Variants in MCM5 observed in about 807,000 individuals in gnomAD.
The protein encoded by MCM5 is minichromosome maintenance complex component 5, also known as DNA replication licensing factor MCM5.
A neutral mutation model predicts 79.9 loss-of-function variants in MCM5; 46 were observed. The observed-to-expected ratio is 0.58, with a 90% CI of 0.45 to 0.74. The LOEUF (loss-of-function observed/expected upper bound fraction) is 0.74, where lower values mean the gene tolerates loss of function less well. Ranked by LOEUF, MCM5 falls within the 30% of genes least tolerant of loss-of-function variation. MCM5 has a pLI of 0.00. For synonymous variants in MCM5, 404 were observed against 390.5 expected (o/e 1.03, Z -0.41); for missense variants, 883 against 1,017.0 (o/e 0.87, Z 1.79).
chr22:35,400,206 G>C lies in MCM5; in HGVS notation c.-11G>C, dbSNP rs1007648951. 7.3e-6 allele frequency: 4 copies of C among 550,648 alleles called. No individual in the cohort carries two copies. Among genetic ancestry groups the C allele is most frequent in the Non-Finnish European group, 9.8e-6 (3 of 305,896 alleles). The allele number at this position is 550,648 out of a possible 1,614,324, so 34.1% of individuals were successfully genotyped here. ...CTGGTTTGTGAAGTGCGGAAAACCA[G>C]AGGTGAGGCTAGTGGGAGTGGGACT... On this transcript the variant is annotated splice_region_variant and 5_prime_UTR_variant, in exon 1 of 17. Coordinates refer to ENST00000216122, the MANE Select transcript of MCM5 (RefSeq NM_006739.4).
Position 35,412,647 on chromosome 22 carries a change from A to T in MCM5, c.1057A>T (p.Ile353Phe), listed in dbSNP as rs758155126. The T allele has an allele frequency of 1.3e-6, 2 of 1,535,590 alleles. No homozygotes were observed. Among genetic ancestry groups the T allele is most frequent in the South Asian group, 1.2e-5 (1 of 81,970 alleles). Residue 353 changes from isoleucine (I) to phenylalanine (F), a missense_variant, in exon 8 of 17, where the codon ATT becomes TTT. Ile to Phe is a conservative substitution (Grantham distance 21). Coordinates refer to ENST00000216122, the MANE Select transcript of MCM5 (RefSeq NM_006739.4). Reference sequence around the variant, plus strand: ...TGGGGGCACAGACATGAAGAAGGCCATTGCCTGCCTGCTCTTTGGGGGCTC... The same window carrying T: ...TGGGGGCACAGACATGAAGAAGGCCTTTGCCTGCCTGCTCTTTGGGGGCTC... Reference protein sequence around the residue: ...IFGGTDMKKAIACLLFGGSRK... With the variant: ...IFGGTDMKKAFACLLFGGSRK...
chr22:35,406,585 T>A lies in MCM5; in HGVS notation c.456T>A (p.Pro152=). The change falls in exon 5 of 17, where the codon CCT becomes CCA. Residue 152 remains proline, a synonymous_variant. Coordinates refer to ENST00000216122, the MANE Select transcript of MCM5 (RefSeq NM_006739.4). ...TGATGTCACACCTGGTGAAGATCCCTGGCATCATCATCGCGGCCTCTGCGG... is the reference window on the plus strand; with the variant it reads ...TGATGTCACACCTGGTGAAGATCCCAGGCATCATCATCGCGGCCTCTGCGG... The part of the protein sequence containing the change: ...SDMMSHLVKI[P]GIIIAASAVR... The A allele has an allele frequency of 2.5e-6, 4 of 1,613,952 alleles. No individual in the cohort carries two copies. The South Asian group carries it at 3.3e-5, about 13-fold the overall frequency.
the MCM5 span, among the ~76,000 whole-genome samples, chr22:35,453,356 G>T: frequency 6.9e-6 from 1 of 144,028 alleles, no homozygotes; most frequent in African/African-American, 2.7e-5. Context: ...GAGCAAGCGC[G>T]TCAGAGACAG....
At chr22:35,435,131 A>G in the MCM5 span, among the ~76,000 whole-genome samples, 1 of 152,196 alleles carries the variant, frequency 6.6e-6, no homozygotes, top group Non-Finnish European at 1.5e-5. Flanking sequence ...AGCCTGGGCG[A>G]CAGAGCAAGA....
chr22:35,424,103 C>G (rs974530691), intron 16 of MCM5, 51 bp from the exon 17 acceptor site: 9 of 1,262,946 alleles, frequency 7.1e-6, no homozygotes, highest in Admixed American at 4.2e-5. Context: ...TGGGCTCTGT[C>G]GGAGTCCCCT....
rs1932765062 is a variant in MCM5, at chr22:35,424,956, C to A, written c.*701C>A. ...TTAGTGAGGGGAATGTAGTGGCCAC[C>A]AGGCAGGAACTAGGACTCCAGCCAG... On this transcript the variant is annotated 3_prime_UTR_variant, in exon 17 of 17. Transcript: ENST00000216122. 6.6e-6 allele frequency: 1 copy of A among 152,208 alleles called. No individual in the cohort carries two copies. The highest frequency in any genetic ancestry group is 1.5e-5 in the Non-Finnish European group (1 of 68,042). The allele number at this position is 152,208 out of a possible 1,614,324, so 9.4% of individuals were successfully genotyped here. A position where few individuals can be genotyped will look rare whatever the true frequency, so the allele number is the denominator to read the frequency against.
intron 4 of MCM5, among the ~76,000 whole-genome samples, chr22:35,405,214 C>T (rs1318778796): frequency 1.3e-5 from 2 of 152,006 alleles, no homozygotes; most frequent in South Asian, 2.1e-4. Context: ...GATGGGGTTT[C>T]ACCATGTTGG....
rs551614588 is a variant in MCM5 at position 35,419,811 on chromosome 22, G to A, written c.1704-73G>A. 77 of 1,492,378 alleles carry A rather than the reference G, an allele frequency of 5.2e-5. 1 individual carries two copies. The South Asian group carries it at 9.3e-4, about 18-fold the overall frequency. 92.4% of individuals were successfully genotyped at this position (1,492,378 alleles called of 1,614,324 possible). On this transcript the variant is annotated intron_variant, in intron 13 of 16. Transcript: ENST00000216122. ...AAGTGCATGTCTGTAAGCTGGCAGG[G>A]GGCTGGGGGAAAGGGTAGGTGCCCT...
intron 2 of MCM5, chr22:35,401,753 A>AGGAG: frequency 2.1e-6 from 1 of 469,092 alleles, no homozygotes; most frequent in Admixed American, 2.4e-5. Flanking sequence ...CCTAAGTCAG[A>AGGAG]GGAGTGAGTC....
intron 7 of MCM5, among the ~76,000 whole-genome samples, chr22:35,411,999 C>A (rs904306283): frequency 6.6e-6 from 1 of 152,146 alleles, no homozygotes; most frequent in East Asian, 1.9e-4. Flanking sequence ...CTCTCATCCC[C>A]CACATCTAAT....
At chr22:35,447,821 A>G in the MCM5 span, among the ~76,000 whole-genome samples, 1 of 152,176 alleles carries the variant, frequency 6.6e-6, no homozygotes, top group Non-Finnish European at 1.5e-5. Context: ...TGGGGCAGGC[A>G]AGGAGCGGGG....
chr22:35,445,403 A>G, the MCM5 span, among the ~76,000 whole-genome samples: 1 of 131,794 alleles, frequency 7.6e-6, no homozygotes, highest in Admixed American at 9.1e-5. Context: ...ATCTCGGCTC[A>G]CTACAACCTC....
At chr22:35,401,066 C>T (rs1296688455) in intron 2 of MCM5, among the ~76,000 whole-genome samples, 1 of 152,186 alleles carries the variant, frequency 6.6e-6, no homozygotes, top group East Asian at 1.9e-4. Context: ...GTGATCCACC[C>T]GCCTCAGTCT....
intron 2 of MCM5, chr22:35,401,356 AT>A (rs1281736097): frequency 2.1e-6 from 1 of 468,700 alleles, no homozygotes; most frequent in Non-Finnish European, 4.4e-6. Flanking sequence ...TCGCTCATTC[AT>A]TTATTTATAC....
chr22:35,410,810 G>T lies in MCM5; in HGVS notation c.819G>T (p.Lys273Asn). The part of the protein sequence containing the change: ...VTIMGIYSIK[K>N]FGLTTSRGRD... Reference sequence around the variant, plus strand: ...TCATGGGCATCTACTCCATCAAGAAGTTTGGCCTGACTACCAGCAGGGGCC... The same window carrying T: ...TCATGGGCATCTACTCCATCAAGAATTTTGGCCTGACTACCAGCAGGGGCC... Residue 273 changes from lysine (K) to asparagine (N), a missense_variant, in exon 7 of 17, where the codon AAG becomes AAT. Physicochemically the swap from Lys to Asn is moderately conservative, Grantham distance 94 (BLOSUM62 0). Around this residue, in one of 3 missense-constraint regions of MCM5, gnomAD observed 455 missense variants for 517.5 expected, o/e 0.88. Transcript: ENST00000216122. 1 of 1,614,112 alleles carries T rather than the reference G, an allele frequency of 6.2e-7. No individual in the cohort carries two copies. The highest frequency in any genetic ancestry group is 1.3e-5 in the African/African-American group (1 of 75,026).
chr22:35,422,781 AG>A (rs1458919742), intron 15 of MCM5: 2 of 153,998 alleles, frequency 1.3e-5, no homozygotes, highest in African/African-American at 4.8e-5. Context: ...AGGGCTCCTC[AG>A]GGCACCTCGT....
rs1932523956 is a variant in MCM5, at chr22:35,415,835, A to G, written c.1210A>G (p.Thr404Ala). Residue 404 changes from threonine to alanine, a missense_variant, in exon 10 of 17, where the codon ACG becomes GCG. Thr to Ala is a moderately conservative substitution (Grantham distance 58, BLOSUM62 0). Transcript: ENST00000216122. The part of the protein sequence containing the change: ...VEKCSPIGVY[T>A]SGKGSSAAGL... The stretch of plus-strand genomic sequence containing the variant: ...CACCACCCCACTGCCCCAGGTATAC[A>G]CGTCTGGGAAAGGCAGCAGCGCAGC... The G allele has an allele frequency of 3.7e-6, 6 of 1,612,754 alleles. No homozygotes were observed.
At chr22:35,419,817 G>C (rs1366404854) in intron 13 of MCM5, 67 bp from the exon 14 acceptor site, 1 of 1,508,434 alleles carries the variant, frequency 6.6e-7, no homozygotes, top group Non-Finnish European at 8.9e-7. Flanking sequence ...CAGGGGGCTG[G>C]GGGAAAGGGT....
chr22:35,443,626 C>T, the MCM5 span, among the ~76,000 whole-genome samples: 3 of 152,242 alleles, frequency 2.0e-5, no homozygotes, highest in Non-Finnish European at 4.4e-5. Context: ...GCCTGGACTT[C>T]TCCCTCACCT....
Sources: allele counts gnomAD v4.1 joint callset (sites outside exome capture counted in the v4.1 genomes callset), GRCh38; gene constraint gnomAD v4.1.1; regional missense constraint gnomAD v4.1.1; transcripts MANE v1.5; gene names NCBI Gene and HGNC (gene_info 2026-07-23, HGNC 2026-07-21).